Variants in ZNF423 observed in about 807,000 individuals in gnomAD.
The protein encoded by ZNF423 is Ebf-associated zinc finger protein.
In ZNF423, 12 loss-of-function variants were observed where a neutral mutation model predicts 95.8. That is an observed-to-expected ratio of 0.13 (90% confidence interval 0.08 to 0.20). ZNF423 has a LOEUF of 0.20. Ranked by LOEUF, ZNF423 falls within the 10% of genes least tolerant of loss-of-function variation. ZNF423 has a pLI of 1.00. For missense variants in ZNF423, 1,316 were observed against 1,737.1 expected (o/e 0.76, Z 4.31); for synonymous variants, 749 against 711.9 (o/e 1.05, Z -0.83).
chr16:49,493,813 C>T (rs1376030043), intron 7 of ZNF423, among the ~76,000 whole-genome samples: 4 of 152,152 alleles, frequency 2.6e-5, no homozygotes, highest in Non-Finnish European at 5.9e-5. Context: ...GGTGTGGAGC[C>T]TAGAATCCAA....
chr16:49,789,688 A>G, intron 1 of ZNF423, 142 bp from the exon 2 acceptor site: 2 of 699,924 alleles, frequency 2.9e-6, no homozygotes, highest in East Asian at 6.4e-5. Context: ...CAAAGCCTAC[A>G]AAGAGGCCTT....
At chr16:49,821,498 A>T (rs1310965338) in intron 1 of ZNF423, among the ~76,000 whole-genome samples, 5 of 152,292 alleles carry the variant, frequency 3.3e-5, no homozygotes, top group African/African-American at 1.2e-4. Flanking sequence ...AACGCACAGG[A>T]TGAGGGTCCC....
intron 3 of ZNF423, among the ~76,000 whole-genome samples, chr16:49,647,967 T>C (rs12917717): frequency 0.25 from 37,482 of 151,954 alleles, 5,624 homozygotes; most frequent in African/African-American, 0.42. Context: ...TTTTGAGGAG[T>C]ATGATTTATT....
At chr16:49,497,763 A>C (rs1375742112) in intron 7 of ZNF423, among the ~76,000 whole-genome samples, 1 of 152,212 alleles carries the variant, frequency 6.6e-6, no homozygotes, top group Non-Finnish European at 1.5e-5. Flanking sequence ...AACCACTGAG[A>C]GATTCCCTTT....
intron 2 of ZNF423, among the ~76,000 whole-genome samples, chr16:49,747,487 T>C (rs1310241515): frequency 6.6e-6 from 1 of 152,132 alleles, no homozygotes; most frequent in Non-Finnish European, 1.5e-5. Context: ...TATAATTAAA[T>C]ATCACATATC....
At chr16:49,527,410 G>A (rs1248128248) in intron 5 of ZNF423, among the ~76,000 whole-genome samples, 2 of 152,200 alleles carry the variant, frequency 1.3e-5, no homozygotes, top group Non-Finnish European at 2.9e-5. Context: ...CCCTTGGGGA[G>A]ACGTTCATCA....
chr16:49,832,222 C>T (rs2035068238), intron 1 of ZNF423, among the ~76,000 whole-genome samples: 1 of 152,094 alleles, frequency 6.6e-6, no homozygotes, highest in East Asian at 1.9e-4. Flanking sequence ...TATTCTGGGC[C>T]CACTTAACTC....
chr16:49,734,841 T>C (rs1012999730), intron 2 of ZNF423, among the ~76,000 whole-genome samples: 3 of 152,232 alleles, frequency 2.0e-5, no homozygotes, highest in African/African-American at 4.8e-5. Context: ...ACAGTGAGCA[T>C]TGATTAAGCA....
intron 3 of ZNF423, among the ~76,000 whole-genome samples, chr16:49,689,469 G>T (rs887389345): frequency 1.3e-5 from 2 of 151,964 alleles, no homozygotes; most frequent in African/African-American, 4.8e-5. Context: ...GAAAAAAAAA[G>T]AATTTAGGCC....
intron 1 of ZNF423, among the ~76,000 whole-genome samples, chr16:49,814,517 A>T (rs1268665892): frequency 6.6e-6 from 1 of 151,724 alleles, no homozygotes; most frequent in African/African-American, 2.4e-5. Flanking sequence ...ATCGGAGGGC[A>T]AGCAGGACAG....
At chr16:49,828,844 C>A (rs1300704701) in intron 1 of ZNF423, among the ~76,000 whole-genome samples, 2 of 152,244 alleles carry the variant, frequency 1.3e-5, no homozygotes, top group Non-Finnish European at 2.9e-5. Context: ...TTCTCTACCC[C>A]CAGGGAGAAT....
intron 1 of ZNF423, among the ~76,000 whole-genome samples, chr16:49,849,805 G>A (rs113026349): frequency 6.6e-6 from 1 of 152,324 alleles, no homozygotes; most frequent in Non-Finnish European, 1.5e-5. Flanking sequence ...ACTGAGCTCC[G>A]ACATTGTGTA....
chr16:49,504,031 C>T (rs1043085749), intron 7 of ZNF423, among the ~76,000 whole-genome samples: 1 of 152,088 alleles, frequency 6.6e-6, no homozygotes, highest in African/African-American at 2.4e-5. Context: ...TTCTCTTGTA[C>T]GAGGTGCCTA....
intron 1 of ZNF423, among the ~76,000 whole-genome samples, chr16:49,790,724 C>T (rs190816916): frequency 6.6e-6 from 1 of 152,232 alleles, no homozygotes; most frequent in African/African-American, 2.4e-5. Flanking sequence ...CTCAGCTCTG[C>T]CTCTTACTAG....
chr16:49,849,123 G>A (rs547843984), intron 1 of ZNF423, among the ~76,000 whole-genome samples: 1 of 152,178 alleles, frequency 6.6e-6, no homozygotes, highest in East Asian at 1.9e-4. Flanking sequence ...GTCCTTAGTG[G>A]GCACACTGGG....
chr16:49,698,959 T>C (rs1305414797), intron 3 of ZNF423, among the ~76,000 whole-genome samples: 3 of 152,208 alleles, frequency 2.0e-5, no homozygotes, highest in Non-Finnish European at 4.4e-5. Context: ...TATATTATCT[T>C]TCTTGTAAAA....
intron 1 of ZNF423, among the ~76,000 whole-genome samples, chr16:49,835,409 C>T (rs1567365489): frequency 6.6e-6 from 1 of 152,222 alleles, no homozygotes; most frequent in Non-Finnish European, 1.5e-5. Flanking sequence ...ATGGGCCCCA[C>T]ATCCCCGCAG....
At chr16:49,821,671 T>C (rs1246500213) in intron 1 of ZNF423, among the ~76,000 whole-genome samples, 1 of 152,166 alleles carries the variant, frequency 6.6e-6, no homozygotes, top group East Asian at 1.9e-4. Flanking sequence ...TTTCTCCCTG[T>C]CTCTGCCTTT....
chr16:49,616,208 A>G (rs1287411255), intron 5 of ZNF423, among the ~76,000 whole-genome samples: 1 of 152,224 alleles, frequency 6.6e-6, no homozygotes, highest in Non-Finnish European at 1.5e-5. Context: ...GTTAAGTGGA[A>G]TAAGTCAGGC....
Sources: allele counts gnomAD v4.1 joint callset (sites outside exome capture counted in the v4.1 genomes callset), GRCh38; gene constraint gnomAD v4.1.1; transcripts MANE v1.5; gene names NCBI Gene and HGNC (gene_info 2026-07-23, HGNC 2026-07-21).